LRRC4B: variants seen among roughly 807,000 people sequenced by gnomAD.
LRRC4B encodes leucine rich repeat containing 4B.
LRRC4B carries 1 observed loss-of-function variant against 7.3 expected under a neutral mutation model. The observed-to-expected ratio is 0.14, with a 90% CI of 0.05 to 0.65. The LOEUF (loss-of-function observed/expected upper bound fraction) is 0.65, where lower values mean the gene tolerates loss of function less well. LRRC4B is among the 30% of genes least tolerant of loss of function. LRRC4B has a pLI of 0.84. For missense variants in LRRC4B, 730 were observed against 1,041.6 expected (o/e 0.70, Z 4.12); for synonymous variants, 500 against 499.2 (o/e 1.00, Z -0.02).
chr19:50,538,570 T>G (rs916948953), intron 2 of LRRC4B, among the ~76,000 whole-genome samples: 7 of 121,550 alleles, frequency 5.8e-5, no homozygotes, highest in Admixed American at 3.0e-4. Flanking sequence ...TTTTTTTTTT[T>G]TTTTTTTTTT....
intron 2 of LRRC4B, among the ~76,000 whole-genome samples, chr19:50,544,268 A>G (rs1432186152): frequency 1.3e-5 from 2 of 152,270 alleles, no homozygotes; most frequent in Non-Finnish European, 2.9e-5. Context: ...GCACTTTGGG[A>G]GGCCGAGGCG....
At chr19:50,534,150 A>G (rs1260161079) in intron 2 of LRRC4B, among the ~76,000 whole-genome samples, 1 of 152,172 alleles carries the variant, frequency 6.6e-6, no homozygotes, top group African/African-American at 2.4e-5. Flanking sequence ...CTGTCTTCCT[A>G]GATCCTGGCC....
rs1161529057 is a variant in LRRC4B, at chr19:50,552,711, T to TCCATCCATCCGC, written c.-35-3839_-35-3838insGCGGATGGATGG. On this transcript the variant is annotated intron_variant, in intron 1 of 2. Transcript: ENST00000652263. ...ATCCGTCCATCCATCCGCCCATCCG[T>TCCATCCATCCGC]CCATCCGTCTATCCATCCGTCCTTC... Among the ~76,000 whole-genome samples the TCCATCCATCCGC allele has an allele frequency of 2.6e-3, 367 of 141,990 alleles. 2 individuals carry two copies. Among genetic ancestry groups the TCCATCCATCCGC allele is most frequent in the African/African-American group, 6.9e-3 (264 of 38,386 alleles). The allele number at this position is 141,990 out of a possible 152,430, so 93.2% of individuals were successfully genotyped here. A position where few individuals can be genotyped will look rare whatever the true frequency, so the allele number is the denominator to read the frequency against.
rs367969854 is a variant in LRRC4B at position 50,517,442 on chromosome 19, C to T, written c.*129G>A. ...CCCCAGATGGGGCTGGAAGCCACCTCTCCCCAATTCCCTGCGTGGTCCCAG... is the reference window on the plus strand; with the variant it reads ...CCCCAGATGGGGCTGGAAGCCACCTTTCCCCAATTCCCTGCGTGGTCCCAG... On this transcript the variant is annotated 3_prime_UTR_variant, in exon 3 of 3. Coordinates refer to ENST00000652263, the MANE Select transcript of LRRC4B (RefSeq NM_001080457.2). The surrounding 1 kb of genome is among the most constrained non-coding windows in gnomAD (Gnocchi z 6.6). 3.8e-5 allele frequency: 32 copies of T among 837,564 alleles called. No individual in the cohort carries two copies. The South Asian group carries it at 1.4e-3, about 37-fold the overall frequency. 51.9% of individuals were successfully genotyped at this position (837,564 alleles called of 1,614,324 possible).
At chr19:50,549,108 C>G (rs1981944823) in intron 1 of LRRC4B, among the ~76,000 whole-genome samples, 1 of 152,206 alleles carries the variant, frequency 6.6e-6, no homozygotes, top group Non-Finnish European at 1.5e-5. Context: ...TGGCAAGATT[C>G]TACGCCCATT....
rs190818262 is a variant in LRRC4B at position 50,548,997 on chromosome 19, A to C, written c.-35-124T>G. The C allele has an allele frequency of 5.0e-6, 3 of 594,318 alleles. No homozygotes were observed. Among genetic ancestry groups the C allele is most frequent in the Non-Finnish European group, 8.7e-6 (3 of 343,902 alleles). 36.8% of individuals were successfully genotyped at this position (594,318 alleles called of 1,614,324 possible). ...CCTGCCCCATGCCCAGAACAAAGGG[A>C]CAGGGAGGGAGACAGCTGCCGATGG... On this transcript the variant is annotated intron_variant, in intron 1 of 2. Coordinates refer to ENST00000652263, the MANE Select transcript of LRRC4B (RefSeq NM_001080457.2). This position sits in a 1 kb window ranked among gnomAD's most constrained non-coding sequence, Gnocchi z 6.8.
chr19:50,532,879 TC>T (rs1419717135), intron 2 of LRRC4B, among the ~76,000 whole-genome samples: 1 of 152,210 alleles, frequency 6.6e-6, no homozygotes, highest in Non-Finnish European at 1.5e-5. Context: ...GGTCCCTGTT[TC>T]CCTCACGCTT....
intron 2 of LRRC4B, among the ~76,000 whole-genome samples, chr19:50,543,962 T>C (rs546222134): frequency 1.3e-5 from 2 of 151,946 alleles, no homozygotes; most frequent in Non-Finnish European, 2.9e-5. Flanking sequence ...TCCCAGAACT[T>C]TGGGAGGCCA....
Position 50,519,098 on chromosome 19 carries a change from C to T in LRRC4B, c.615G>A (p.Gly205=). 2 of 1,609,676 alleles carry T rather than the reference C, an allele frequency of 1.2e-6. No individual in the cohort carries two copies. The highest frequency in any genetic ancestry group is 1.7e-6 in the Non-Finnish European group (2 of 1,179,952). The change falls in exon 3 of 3, where the codon GGG becomes GGA. Residue 205 remains glycine, a synonymous_variant. Transcript: ENST00000652263. This position sits in a 1 kb window ranked among gnomAD's most constrained non-coding sequence, Gnocchi z 8.1. ...LEYISEAAFE[G]LVNLRYLNLG... is the part of the protein sequence containing the mutation. ...GGTTGAGGTAGCGCAGGTTGACCAG[C>T]CCCTCGAAGGCCGCCTCCGAGATGT... is the stretch of plus-strand genomic sequence containing the variant.
intron 1 of LRRC4B, among the ~76,000 whole-genome samples, chr19:50,561,210 T>C (rs1224731362): frequency 7.0e-6 from 1 of 143,556 alleles, no homozygotes; most frequent in Non-Finnish European, 1.5e-5. Flanking sequence ...AAATCCAGCA[T>C]TTCTGGCTGG....
chr19:50,529,065 A>AC (rs962904081), intron 2 of LRRC4B, among the ~76,000 whole-genome samples: 19 of 151,480 alleles, frequency 1.3e-4, no homozygotes, highest in East Asian at 9.7e-4. Context: ...CTGCCAGGGG[A>AC]CCCCCCCAGA....
At chr19:50,543,043 G>A (rs1981622559) in intron 2 of LRRC4B, among the ~76,000 whole-genome samples, 1 of 150,302 alleles carries the variant, frequency 6.7e-6, no homozygotes, top group Admixed American at 6.6e-5. Context: ...GGGCGTCGCA[G>A]GGATTCGCGT....
chr19:50,531,111 C>A (rs1052634864), intron 2 of LRRC4B, among the ~76,000 whole-genome samples: 1 of 152,216 alleles, frequency 6.6e-6, no homozygotes, highest in Non-Finnish European at 1.5e-5. Context: ...AGTGGCACAG[C>A]CAGGGTTTGA....
chr19:50,558,545 A>G (rs556544934), intron 1 of LRRC4B, among the ~76,000 whole-genome samples: 14 of 152,194 alleles, frequency 9.2e-5, no homozygotes, highest in African/African-American at 9.6e-5. Context: ...CAATATATCA[A>G]TGCATCACTG....
intron 2 of LRRC4B, among the ~76,000 whole-genome samples, chr19:50,539,185 G>T (rs974101675): frequency 6.6e-6 from 1 of 152,188 alleles, no homozygotes; most frequent in Non-Finnish European, 1.5e-5. Context: ...GCCAGGTTTT[G>T]TTTTTTGTTT....
chr19:50,540,852 A>T (rs2122864496), intron 2 of LRRC4B, among the ~76,000 whole-genome samples: 1 of 151,888 alleles, frequency 6.6e-6, no homozygotes, highest in African/African-American at 2.4e-5. Flanking sequence ...TAGTATAATT[A>T]TTTTATTATA....
At chr19:50,543,031 G>A (rs1050439180) in intron 2 of LRRC4B, among the ~76,000 whole-genome samples, 2 of 152,188 alleles carry the variant, frequency 1.3e-5, no homozygotes, top group Non-Finnish European at 1.5e-5. Flanking sequence ...GAGCTCACGG[G>A]AGGGCGTCGC....
At chr19:50,530,523 C>G (rs1001653087) in intron 2 of LRRC4B, among the ~76,000 whole-genome samples, 2 of 152,164 alleles carry the variant, frequency 1.3e-5, no homozygotes, top group African/African-American at 4.8e-5. Context: ...TCCACTCATT[C>G]CCCCATTGCT....
At chr19:50,531,965 G>A (rs1038907030) in intron 2 of LRRC4B, among the ~76,000 whole-genome samples, 2 of 152,146 alleles carry the variant, frequency 1.3e-5, no homozygotes, top group African/African-American at 4.8e-5. Context: ...GCTCACGCCA[G>A]TAATCCCAGC....
Sources: gnomAD v4.1 joint callset for allele counts (sites outside exome capture counted in the v4.1 genomes callset) on GRCh38, gnomAD v4.1.1 for gene constraint, Gnocchi (gnomAD v3.1) non-coding constraint, MANE v1.5 for transcripts, NCBI Gene and HGNC (gene_info 2026-07-23, HGNC 2026-07-21) for gene names.